SMC3: variants seen among roughly 807,000 people sequenced by gnomAD.
The protein encoded by SMC3 is structural maintenance of chromosomes 3.
In SMC3, 20 loss-of-function variants were observed where a neutral mutation model predicts 171.8. The ratio of observed to expected loss-of-function variants is 0.12; its 90% CI spans 0.08 to 0.17. SMC3 has a LOEUF of 0.17. SMC3 is among the 10% of genes least tolerant of loss of function. The pLI is 1.00. For missense variants in SMC3, 543 were observed against 1,420.4 expected (o/e 0.38, Z 9.93); for synonymous variants, 464 against 451.1 (o/e 1.03, Z -0.36).
At chr10:110,595,451 A>G (rs1861284403) in intron 18 of SMC3, among the ~76,000 whole-genome samples, 1 of 152,180 alleles carries the variant, frequency 6.6e-6, no homozygotes, top group Non-Finnish European at 1.5e-5. Flanking sequence ...AATGTGTCCC[A>G]TTGTTAGTGA....
intron 17 of SMC3, 124 bp downstream of exon 17, chr10:110,591,256 C>G (rs1417150753): frequency 1.0e-6 from 1 of 986,382 alleles, no homozygotes; most frequent in Non-Finnish European, 1.5e-6. Context: ...ATAAAAATAT[C>G]TGTCTTCCCA....
chr10:110,569,156 T>G (rs1343918428), intron 2 of SMC3, 143 bp downstream of exon 2: 3 of 674,826 alleles, frequency 4.4e-6, no homozygotes, highest in Admixed American at 2.5e-5. Flanking sequence ...CTTTTCTGTC[T>G]TATTGCACTG....
chr10:110,581,773 T>A, intron 8 of SMC3, 150 bp from the exon 9 acceptor site: 1 of 808,446 alleles, frequency 1.2e-6, no homozygotes, highest in Non-Finnish European at 1.9e-6. Flanking sequence ...GGTTAATTGC[T>A]ATTTTAGTAT....
In SMC3 at chr10:110,584,166, G is replaced by T. The variant is rs770271444; in HGVS notation, c.1092-17G>T. On this transcript the variant is annotated splice_polypyrimidine_tract_variant and intron_variant, in intron 12 of 28. Transcript: ENST00000361804. ...TATTATTCTCCTTTTCATCCCATTTGCTTCTATTTTGTGTAGATTGGCTCA... is the reference window on the plus strand; with the variant it reads ...TATTATTCTCCTTTTCATCCCATTTTCTTCTATTTTGTGTAGATTGGCTCA... 1.2e-6 allele frequency: 2 copies of T among 1,609,994 alleles called. No individual in the cohort carries two copies. The highest frequency in any genetic ancestry group is 2.7e-5 in the African/African-American group (2 of 74,834).
At chr10:110,602,368 C>G in intron 25 of SMC3, 106 bp from the exon 26 acceptor site, 3 of 1,059,316 alleles carry the variant, frequency 2.8e-6, no homozygotes, top group Non-Finnish European at 4.3e-6. Context: ...AGTCTGTTAT[C>G]CTTGTTCTTA....
At chr10:110,573,656 A>G in intron 2 of SMC3, 51 bp from the exon 3 acceptor site, 1 of 1,264,900 alleles carries the variant, frequency 7.9e-7, no homozygotes, top group Non-Finnish European at 1.2e-6. Context: ...AAACAGTTTT[A>G]ATTTTATTGG....
At chr10:110,597,054 G>A (rs903671264) in intron 19 of SMC3, among the ~76,000 whole-genome samples, 3 of 151,444 alleles carry the variant, frequency 2.0e-5, no homozygotes, top group Admixed American at 1.3e-4. Flanking sequence ...TGAGGCAGGA[G>A]GATCACTTGA....
At chr10:110,601,300 T>G (rs1023837890) in intron 23 of SMC3, among the ~76,000 whole-genome samples, 170 bp downstream of exon 23, 33 of 152,348 alleles carry the variant, frequency 2.2e-4, no homozygotes, top group African/African-American at 7.7e-4. Flanking sequence ...TAGTAACTTT[T>G]GTTTTACTGA....
At chr10:110,581,128 T>C in intron 8 of SMC3, 107 bp downstream of exon 8, 1 of 752,200 alleles carries the variant, frequency 1.3e-6, no homozygotes, top group East Asian at 2.5e-5. Context: ...ATGACAGCAT[T>C]AGATAATGCT....
intron 18 of SMC3, among the ~76,000 whole-genome samples, chr10:110,594,848 A>G (rs1025644149): frequency 6.6e-6 from 1 of 152,206 alleles, no homozygotes; most frequent in African/African-American, 2.4e-5. Flanking sequence ...ATTCTTTTGT[A>G]TAGCCACAGT....
chr10:110,567,893 A>T, intron 1 of SMC3, 62 bp downstream of exon 1: 1 of 1,588,434 alleles, frequency 6.3e-7, no homozygotes, highest in South Asian at 1.1e-5. Context: ...TTGAGGCGGG[A>T]GTGTTGCGGC....
intron 23 of SMC3, 116 bp from the exon 24 acceptor site, chr10:110,601,521 T>C: frequency 8.8e-7 from 1 of 1,130,672 alleles, no homozygotes; most frequent in Non-Finnish European, 1.3e-6. Context: ...TCACAGAAAA[T>C]TTTAAACACA....
At chr10:110,576,053 G>T (rs1055122951) in intron 4 of SMC3, among the ~76,000 whole-genome samples, 1 of 152,064 alleles carries the variant, frequency 6.6e-6, no homozygotes, top group Admixed American at 6.5e-5. Flanking sequence ...AACTTACAGC[G>T]GGGTTATGTC....
chr10:110,568,114 T>C (rs1277047221), intron 1 of SMC3, among the ~76,000 whole-genome samples: 1 of 151,666 alleles, frequency 6.6e-6, no homozygotes, highest in African/African-American at 2.4e-5. Context: ...GGCGGGCCGC[T>C]GGGAGGGACT....
At chr10:110,577,617 TTAAAA>T (rs761174946) in intron 5 of SMC3, 125 bp downstream of exon 5, 22 of 757,730 alleles carry the variant, frequency 2.9e-5, no homozygotes, top group Non-Finnish European at 4.4e-5. Flanking sequence ...TGATTTTATC[TTAAAA>T]TGACAATGAA....
In SMC3 at chr10:110,600,508, A is replaced by G; in HGVS notation, c.2497A>G (p.Asn833Asp). 6.3e-7 allele frequency: 1 copy of G among 1,598,342 alleles called. No individual in the cohort carries two copies. Among genetic ancestry groups the G allele is most frequent in the Non-Finnish European group, 8.6e-7 (1 of 1,165,726 alleles). ...TATTACTCGAGTAGAGACTTATCTC[A>G]ATGAGAATCTGAGAAAACGCTTGGA... is the stretch of plus-strand genomic sequence containing the variant. The part of the protein sequence containing the change: ...GIITRVETYL[N>D]ENLRKRLDQV... Residue 833 changes from asparagine (N) to aspartate (D), a missense_variant, in exon 22 of 29, where the codon AAT (asparagine) becomes GAT (aspartate). Asn to Asp is a conservative substitution (Grantham distance 23). Coordinates refer to ENST00000361804, the MANE Select transcript of SMC3 (RefSeq NM_005445.4).
chr10:110,579,636 T>C (rs1861002213), intron 7 of SMC3, among the ~76,000 whole-genome samples: 1 of 152,226 alleles, frequency 6.6e-6, no homozygotes. Context: ...TCCATTAGAA[T>C]GTAAGCTCCA....
chr10:110,589,877 CTTTTTA>C lies in SMC3; in HGVS notation c.1410-11_1410-6del. 6.2e-7 allele frequency: 1 copy of C among 1,609,750 alleles called. No individual in the cohort carries two copies. The highest frequency in any genetic ancestry group is 8.5e-7 in the Non-Finnish European group (1 of 1,176,200). On this transcript the variant is annotated splice_polypyrimidine_tract_variant and intron_variant, in intron 14 of 28. Transcript: ENST00000361804. ...TGTGTTTAAAATTAAAGACAGTCTA[CTTTTTA>C]TTTATTAGCTACTTGTGGAGAGAAG...
rs1438539682 is a variant in SMC3 at position 110,601,135 on chromosome 10, A to G, written c.2644+5A>G. ...ACACTATGGCACGATCAGAAGGTGA[A>G]TTTTTATGTAGTAAAATTTTGTTTA... On this transcript the variant is annotated splice_donor_5th_base_variant and intron_variant, in intron 23 of 28. Coordinates refer to ENST00000361804, the MANE Select transcript of SMC3 (RefSeq NM_005445.4). 6.2e-7 allele frequency: 1 copy of G among 1,604,066 alleles called. No individual in the cohort carries two copies. The highest frequency in any genetic ancestry group is 2.2e-5 in the East Asian group (1 of 44,734).
Sources: allele counts gnomAD v4.1 joint callset (sites outside exome capture counted in the v4.1 genomes callset), GRCh38; gene constraint gnomAD v4.1.1; transcripts MANE v1.5; gene names NCBI Gene and HGNC (gene_info 2026-07-23, HGNC 2026-07-21).